Variants in ECHDC1 observed in about 807,000 individuals in gnomAD.
ECHDC1 encodes the protein ethylmalonyl-CoA decarboxylase 1.
In ECHDC1, 29 loss-of-function variants were observed where a neutral mutation model predicts 29.7. That is an observed-to-expected ratio of 0.98 (90% CI 0.73 to 1.33). The LOEUF is 1.33. ECHDC1 is among the 40% of genes most tolerant of loss of function. The pLI is 0.00. For synonymous variants in ECHDC1, 126 were observed against 123.1 expected (o/e 1.02, Z -0.15); for missense variants, 328 against 350.0 (o/e 0.94, Z 0.50).
At chr6:127,331,675 G>C (rs955257882) in intron 1 of ECHDC1, among the ~76,000 whole-genome samples, 1 of 152,146 alleles carries the variant, frequency 6.6e-6, no homozygotes, top group Admixed American at 6.5e-5. Flanking sequence ...GTAGTCTTTT[G>C]CATCACATGC....
intron 2 of ECHDC1, among the ~76,000 whole-genome samples, chr6:127,329,589 C>T (rs1020537740): frequency 1.3e-5 from 2 of 151,924 alleles, no homozygotes; most frequent in Admixed American, 6.6e-5. Context: ...GCACTTGATA[C>T]GTGGCTAGTC....
rs1324221618 is a variant in ECHDC1, at chr6:127,316,362, T to C, written c.416+88A>G. ...ATAGATGTAATTTGAAAATTAGCTA[T>C]TATTTCTTAACTAGTACAAATAATG... On this transcript the variant is annotated intron_variant, in intron 4 of 5. Coordinates refer to ENST00000454859, the MANE Select transcript of ECHDC1 (RefSeq NM_001002030.2). 3 of 1,126,174 alleles carry C rather than the reference T, an allele frequency of 2.7e-6. No individual in the cohort carries two copies. In the African/African-American group the frequency reaches 4.7e-5, roughly 18 times the overall value. The allele number at this position is 1,126,174 out of a possible 1,614,324, so 69.8% of individuals were successfully genotyped here. A position where few individuals can be genotyped will look rare whatever the true frequency, so the allele number is the denominator to read the frequency against.
intron 5 of ECHDC1, among the ~76,000 whole-genome samples, chr6:127,311,473 G>A (rs371970899): frequency 4.6e-5 from 7 of 151,692 alleles, no homozygotes; most frequent in African/African-American, 1.5e-4. Flanking sequence ...TCAGGAGTTC[G>A]AGACCAACCT....
intron 5 of ECHDC1, among the ~76,000 whole-genome samples, chr6:127,290,539 A>G (rs570185633): frequency 1.3e-5 from 2 of 152,158 alleles, no homozygotes; most frequent in South Asian, 2.1e-4. Context: ...CCCAAAGTTG[A>G]TCTTTCTTAA....
rs1582986049 is a variant in ECHDC1 at position 127,323,822 on chromosome 6, TAGA to T, written c.363+3177_363+3179del. The stretch of plus-strand genomic sequence containing the variant: ...TTTCTTTTCTTTTCTTTGTTTTTCC[TAGA>T]AGATGTGGTAGAGGGGGAAGGAGCA... On this transcript the variant is annotated intron_variant, in intron 3 of 5. Transcript: ENST00000454859. Among the ~76,000 whole-genome samples the T allele has an allele frequency of 3.9e-5, 6 of 152,238 alleles. No individual in the cohort carries two copies. The East Asian group carries it at 1.2e-3, about 29-fold the overall frequency.
At chr6:127,338,468 G>A (rs1784628429) in intron 1 of ECHDC1, among the ~76,000 whole-genome samples, 1 of 151,634 alleles carries the variant, frequency 6.6e-6, no homozygotes, top group African/African-American at 2.4e-5. Context: ...TGTAGTCTAA[G>A]GATTTTCTTT....
intron 1 of ECHDC1, among the ~76,000 whole-genome samples, chr6:127,336,753 A>G (rs1217200925): frequency 1.3e-5 from 2 of 152,208 alleles, no homozygotes; most frequent in Non-Finnish European, 1.5e-5. Flanking sequence ...GAAGCGGGGA[A>G]AAGTTTTACA....
chr6:127,305,424 G>A (rs1248933834), intron 5 of ECHDC1, among the ~76,000 whole-genome samples: 1 of 152,134 alleles, frequency 6.6e-6, no homozygotes, highest in African/African-American at 2.4e-5. Context: ...AAATATTAAA[G>A]GGAGCACTCT....
rs765229098 is a variant in ECHDC1, at chr6:127,342,399, T to A, written c.-3+937A>T. On this transcript the variant is annotated intron_variant, in intron 1 of 5. Coordinates refer to ENST00000454859, the MANE Select transcript of ECHDC1 (RefSeq NM_001002030.2). ...TTCTTCACAGGCTGGCTTCCCTTCC[T>A]GGAATGTTAATCATTGCAGGAATCC... 3.2e-6 allele frequency: 5 copies of A among 1,545,994 alleles called. No homozygotes were observed. The South Asian group carries it at 6.0e-5, about 19-fold the overall frequency.
intron 5 of ECHDC1, among the ~76,000 whole-genome samples, chr6:127,307,005 A>C (rs111830239): frequency 0.01 from 1,542 of 152,320 alleles, 27 homozygotes; most frequent in African/African-American, 0.035. Flanking sequence ...CTACAAATCA[A>C]TAACAAGAGG....
At chr6:127,342,034 T>G (rs557322479) in intron 1 of ECHDC1, among the ~76,000 whole-genome samples, 2 of 152,354 alleles carry the variant, frequency 1.3e-5, no homozygotes, top group African/African-American at 4.8e-5. Context: ...TCCTTTTGAT[T>G]TTTTCGCCAT....
At chr6:127,324,570 T>G (rs976568525) in intron 3 of ECHDC1, among the ~76,000 whole-genome samples, 1 of 152,200 alleles carries the variant, frequency 6.6e-6, no homozygotes, top group Middle Eastern at 3.2e-3. Context: ...GATCTTAGTT[T>G]CTATCACCAT....
At chr6:127,339,184 CT>C (rs1360198012) in intron 1 of ECHDC1, among the ~76,000 whole-genome samples, 1 of 151,262 alleles carries the variant, frequency 6.6e-6, no homozygotes, top group Non-Finnish European at 1.5e-5. Context: ...TCTGAAATTT[CT>C]TTGTTGACAA....
At chr6:127,331,101 T>C (rs919137108) in intron 1 of ECHDC1, 71 bp from the exon 2 acceptor site, 62 of 1,166,152 alleles carry the variant, frequency 5.3e-5, no homozygotes, top group Non-Finnish European at 7.3e-5. Context: ...TATGTGTTAA[T>C]AGGCTGTAGT....
intron 3 of ECHDC1, among the ~76,000 whole-genome samples, chr6:127,324,822 A>G (rs567286255): frequency 1.3e-5 from 2 of 152,336 alleles, no homozygotes; most frequent in South Asian, 4.1e-4. Context: ...TATAAAATAA[A>G]TATCCATGAG....
chr6:127,324,932 C>T (rs1281441783), intron 3 of ECHDC1, among the ~76,000 whole-genome samples: 1 of 152,210 alleles, frequency 6.6e-6, no homozygotes, highest in East Asian at 1.9e-4. Flanking sequence ...ATATGTCCCC[C>T]TTCCAGGAGA....
intron 5 of ECHDC1, among the ~76,000 whole-genome samples, chr6:127,311,789 GAA>G (rs34759372): frequency 8.9e-5 from 12 of 134,132 alleles, no homozygotes; most frequent in Non-Finnish European, 1.3e-4. Flanking sequence ...TCCTGGACCA[GAA>G]AAAAAAAAAA....
chr6:127,294,382 A>G (rs931224648), intron 5 of ECHDC1: 1 of 152,220 alleles, frequency 6.6e-6, no homozygotes, highest in Non-Finnish European at 1.5e-5. Flanking sequence ...TGCCTCGAAC[A>G]TAAACTTACT....
rs531401771 is a variant in ECHDC1, at chr6:127,330,848, G to A, written c.181C>T (p.Leu61Phe). ...ATTCTACTTGGATTGTTCAGAGTAA[G>A]AATGCCAATGCCATTGTCTTCCTTC... is the stretch of plus-strand genomic sequence containing the variant. Reference protein sequence around the residue: ...LQKEDNGIGILTLNNPSRMNA... With the variant: ...LQKEDNGIGIFTLNNPSRMNA... Residue 61 changes from leucine (L) to phenylalanine (F), a missense_variant, in exon 2 of 6, where the codon CTT becomes TTT. Coordinates refer to ENST00000454859, the MANE Select transcript of ECHDC1 (RefSeq NM_001002030.2). 6.2e-7 allele frequency: 1 copy of A among 1,614,082 alleles called. No homozygotes were observed. Among genetic ancestry groups the A allele is most frequent in the Admixed American group, 1.7e-5 (1 of 60,006 alleles).
Sources: gnomAD v4.1 joint callset for allele counts (sites outside exome capture counted in the v4.1 genomes callset) on GRCh38, gnomAD v4.1.1 for gene constraint, MANE v1.5 for transcripts, NCBI Gene and HGNC (gene_info 2026-07-23, HGNC 2026-07-21) for gene names.